Variants in KCNN2 observed in about 807,000 individuals in gnomAD.
KCNN2 encodes the protein small conductance calcium-activated potassium channel protein 2.
KCNN2 carries 24 observed loss-of-function variants against 55.5 expected under a neutral mutation model. The observed-to-expected ratio is 0.43, with a 90% CI of 0.31 to 0.61. The LOEUF (loss-of-function observed/expected upper bound fraction) is 0.61, where lower values mean the gene tolerates loss of function less well. KCNN2 is among the 20% of genes least tolerant of loss of function. The probability of loss-of-function intolerance (pLI) is 0.08; values close to 1 mark genes in which losing one functional copy is unlikely to be tolerated. For missense variants in KCNN2, 754 were observed against 853.6 expected (o/e 0.88, Z 1.45); for synonymous variants, 431 against 336.1 (o/e 1.28, Z -3.09).
chr5:114,113,796 T>C (rs1465248221), intron 1 of KCNN2, among the ~76,000 whole-genome samples: 2 of 152,104 alleles, frequency 1.3e-5, no homozygotes, highest in Non-Finnish European at 2.9e-5. Flanking sequence ...ACTTTCTGTC[T>C]TCTTCATGGC....
chr5:114,436,749 T>C (rs1760018188), intron 3 of KCNN2, among the ~76,000 whole-genome samples: 1 of 152,190 alleles, frequency 6.6e-6, no homozygotes, highest in South Asian at 2.1e-4. Context: ...CAGTTCAGCT[T>C]CCTACCATTT....
chr5:114,201,372 G>A (rs1192114050), intron 1 of KCNN2, among the ~76,000 whole-genome samples: 1 of 152,098 alleles, frequency 6.6e-6, no homozygotes. Flanking sequence ...TCCAAGAGTG[G>A]GGCATAGCCC....
intron 2 of KCNN2, among the ~76,000 whole-genome samples, chr5:114,284,318 G>A (rs905921684): frequency 2.6e-5 from 4 of 152,152 alleles, no homozygotes; most frequent in African/African-American, 7.2e-5. Context: ...AAGCCTGTGT[G>A]TATGAATATG....
chr5:114,276,956 A>G lies in KCNN2; in HGVS notation c.-185+55391A>G, dbSNP rs142519034. ...GTGTCGATGGTCTTTACAGTTTGGC[A>G]TGTTTTTGCAGTGGCTACCGGTTGT... On this transcript the variant is annotated intron_variant, in intron 2 of 10. Coordinates refer to the KCNN2 transcript ENST00000512097. 6.1e-3 allele frequency among the ~76,000 whole-genome samples: 930 copies of G among 152,226 alleles called. 7 individuals are homozygous for G. Among genetic ancestry groups the G allele is most frequent in the African/African-American group, 0.021 (882 of 41,540 alleles).
intron 2 of KCNN2, among the ~76,000 whole-genome samples, chr5:114,236,074 A>G (rs1328563084): frequency 1.3e-5 from 2 of 152,198 alleles, no homozygotes; most frequent in African/African-American, 4.8e-5. Flanking sequence ...TGTATTGTAT[A>G]TGTATATTTT....
At chr5:114,364,263 G>A (rs1757537771) in intron 2 of KCNN2, among the ~76,000 whole-genome samples, 1 of 152,150 alleles carries the variant, frequency 6.6e-6, no homozygotes, top group South Asian at 2.1e-4. Context: ...TCAGTAGGTG[G>A]ATCCTTTTCT....
At chr5:114,486,382 T>G (rs1747528432) in intron 5 of KCNN2, among the ~76,000 whole-genome samples, 1 of 152,204 alleles carries the variant, frequency 6.6e-6, no homozygotes, top group Admixed American at 6.5e-5. Context: ...AGATTAAGTA[T>G]CCATGCCTTT....
intron 1 of KCNN2, among the ~76,000 whole-genome samples, chr5:114,214,817 A>C (rs540525805): frequency 5.4e-4 from 82 of 152,312 alleles, no homozygotes; most frequent in Admixed American, 1.3e-3. Flanking sequence ...AACAAAAAAC[A>C]ACTTTCCCTG....
At chr5:114,119,784 G>A (rs1380495707) in intron 1 of KCNN2, among the ~76,000 whole-genome samples, 1 of 152,070 alleles carries the variant, frequency 6.6e-6, no homozygotes, top group East Asian at 1.9e-4. Flanking sequence ...GCTCCAAAAA[G>A]CCTTCATCAC....
chr5:114,282,822 G>T (rs147285311), intron 2 of KCNN2, among the ~76,000 whole-genome samples: 1 of 152,060 alleles, frequency 6.6e-6, no homozygotes, highest in African/African-American at 2.4e-5. Context: ...TTTTCTTTGT[G>T]GGAAAGGTTT....
intron 5 of KCNN2, among the ~76,000 whole-genome samples, chr5:114,480,049 A>G (rs1762155252): frequency 6.6e-6 from 1 of 151,886 alleles, no homozygotes; most frequent in African/African-American, 2.4e-5. Context: ...GACACAAATA[A>G]CCCTTCAAAA....
intron 2 of KCNN2, among the ~76,000 whole-genome samples, chr5:114,273,326 G>C (rs1389320753): frequency 6.6e-6 from 1 of 152,144 alleles, no homozygotes; most frequent in Non-Finnish European, 1.5e-5. Context: ...GACTAATGCT[G>C]CAATAAACAT....
intron 1 of KCNN2, among the ~76,000 whole-genome samples, chr5:114,075,164 G>A (rs547326972): frequency 6.6e-6 from 1 of 152,328 alleles, no homozygotes; most frequent in South Asian, 2.1e-4. Flanking sequence ...GAGACTGGAA[G>A]AAATGGTGTT....
At chr5:114,217,709 A>C (rs1392094314) in intron 1 of KCNN2, among the ~76,000 whole-genome samples, 1 of 152,200 alleles carries the variant, frequency 6.6e-6, no homozygotes, top group Admixed American at 6.5e-5. Flanking sequence ...CTTTTTAGGT[A>C]CAACACTAAA....
intron 2 of KCNN2, among the ~76,000 whole-genome samples, chr5:114,263,623 C>T (rs970795420): frequency 6.6e-6 from 1 of 152,112 alleles, no homozygotes; most frequent in African/African-American, 2.4e-5. Flanking sequence ...TGTCTCCCAA[C>T]AAGGTAACTC....
At chr5:114,271,810 C>A (rs1398829989) in intron 2 of KCNN2, among the ~76,000 whole-genome samples, 1 of 152,130 alleles carries the variant, frequency 6.6e-6, no homozygotes, top group Non-Finnish European at 1.5e-5. Flanking sequence ...TGTGTCAATT[C>A]CAAACCATTT....
At chr5:114,320,247 C>T (rs771065894) in intron 2 of KCNN2, among the ~76,000 whole-genome samples, 1 of 152,058 alleles carries the variant, frequency 6.6e-6, no homozygotes, top group Non-Finnish European at 1.5e-5. Flanking sequence ...AGCCATGTCC[C>T]AGACCTTTTT....
At chr5:114,152,724 GA>G (rs763525155) in intron 1 of KCNN2, among the ~76,000 whole-genome samples, 4 of 152,136 alleles carry the variant, frequency 2.6e-5, no homozygotes, top group African/African-American at 4.8e-5. Context: ...CTCTAAGGAG[GA>G]AATTTGATCA....
At chr5:114,146,897 G>C (rs1752409791) in intron 1 of KCNN2, among the ~76,000 whole-genome samples, 1 of 152,170 alleles carries the variant, frequency 6.6e-6, no homozygotes, top group Non-Finnish European at 1.5e-5. Flanking sequence ...AAAAGGGGTG[G>C]TTTCAGTTTC....
Sources: allele counts gnomAD v4.1 joint callset (sites outside exome capture counted in the v4.1 genomes callset), GRCh38; gene constraint gnomAD v4.1.1; transcripts MANE v1.5; gene names NCBI Gene and HGNC (gene_info 2026-07-23, HGNC 2026-07-21).